Variants in CNST observed in about 807,000 individuals in gnomAD.
CNST encodes consortin, connexin sorting protein.
In CNST, 39 loss-of-function variants were observed where a neutral mutation model predicts 72.4. That is an observed-to-expected ratio of 0.54 (90% confidence interval 0.42 to 0.70). CNST has a LOEUF of 0.70. Ranked by LOEUF, CNST falls within the 30% of genes least tolerant of loss-of-function variation. CNST has a pLI of 0.00. For missense variants in CNST, 871 were observed against 868.5 expected (o/e 1.00, Z -0.04); for synonymous variants, 332 against 320.1 (o/e 1.04, Z -0.40).
chr1:246,615,229 G>T (rs576881088), intron 2 of CNST, among the ~76,000 whole-genome samples: 1 of 152,210 alleles, frequency 6.6e-6, no homozygotes, highest in East Asian at 2.0e-4. Context: ...AGGCTGGAGC[G>T]CAGTGGCGCG....
In CNST at chr1:246,652,983, T is replaced by G. The variant is rs373892743; in HGVS notation, c.1836+4946T>G. On this transcript the variant is annotated intron_variant, in intron 9 of 10. Transcript: ENST00000366513. ...TGCACCACTGCACTCCAGCCTGGGC[T>G]ACAGAGTGAGACTCTGTCTCAAAAA... Among the ~76,000 whole-genome samples the G allele has an allele frequency of 1.1e-3, 171 of 150,398 alleles. 1 individual carries two copies. Among genetic ancestry groups the G allele is most frequent in the South Asian group, 9.3e-3 (44 of 4,740 alleles).
Position 246,578,362 on chromosome 1 carries a change from G to T in CNST, c.-52+11699G>T, listed in dbSNP as rs138330606. 4.3e-3 allele frequency among the ~76,000 whole-genome samples: 661 copies of T among 152,190 alleles called. 10 individuals are homozygous for T. The highest frequency in any genetic ancestry group is 0.015 in the African/African-American group (635 of 41,434). On this transcript the variant is annotated intron_variant, in intron 1 of 10. Transcript: ENST00000366513. The stretch of plus-strand genomic sequence containing the variant: ...AAAATGGGTCTCTGAAAATGTTTCA[G>T]TGTGGATTCTGTATTAACCATTGCC...
intron 2 of CNST, among the ~76,000 whole-genome samples, chr1:246,592,540 A>C (rs934122403): frequency 3.3e-5 from 5 of 152,200 alleles, no homozygotes; most frequent in Non-Finnish European, 7.4e-5. Flanking sequence ...ACATGTTTTC[A>C]CATTAGGTAC....
rs2103127896 is a variant in CNST, at chr1:246,645,130, T to C, written c.938-2009T>C. Among the ~76,000 whole-genome samples, 2 of 152,288 alleles carry C rather than the reference T, an allele frequency of 1.3e-5. 1 individual carries two copies. Among genetic ancestry groups the C allele is most frequent in the Middle Eastern group, 6.8e-3 (2 of 294 alleles). ...GGTGCTATGAACTCTACTGAATAGC[T>C]ACCTCTCAGCAGCCCGAAGTTGAGT... On this transcript the variant is annotated intron_variant, in intron 8 of 10. Coordinates refer to ENST00000366513, the MANE Select transcript of CNST (RefSeq NM_152609.3).
At chr1:246,662,725 CATAAAAATT>C (rs1379998872) in intron 10 of CNST, among the ~76,000 whole-genome samples, 1 of 152,146 alleles carries the variant, frequency 6.6e-6, no homozygotes, top group African/African-American at 2.4e-5. Context: ...TAACCCAGTA[CATAAAAATT>C]ATTTCAAAAT....
chr1:246,644,122 C>T (rs949370558), intron 8 of CNST, among the ~76,000 whole-genome samples: 11 of 152,084 alleles, frequency 7.2e-5, no homozygotes, highest in Non-Finnish European at 1.2e-4. Flanking sequence ...CTCATTTTGC[C>T]GGGCGCGATG....
chr1:246,605,015 A>G (rs1291337702), intron 2 of CNST, among the ~76,000 whole-genome samples: 2 of 152,236 alleles, frequency 1.3e-5, no homozygotes, highest in African/African-American at 2.4e-5. Context: ...TTTGTTAGAG[A>G]AACAAAATAT....
chr1:246,625,655 C>T (rs1416524467), intron 3 of CNST, among the ~76,000 whole-genome samples: 1 of 151,866 alleles, frequency 6.6e-6, no homozygotes, highest in Admixed American at 6.6e-5. Flanking sequence ...CTCTTGACCT[C>T]ACGATCCGCC....
chr1:246,604,647 AAT>A (rs555991803), intron 2 of CNST, among the ~76,000 whole-genome samples: 5 of 150,734 alleles, frequency 3.3e-5, no homozygotes, highest in African/African-American at 4.9e-5. Flanking sequence ...CAGGAGACGG[AAT>A]ATATATATAT....
chr1:246,635,421 A>G (rs965259307), intron 6 of CNST, among the ~76,000 whole-genome samples: 2 of 151,826 alleles, frequency 1.3e-5, no homozygotes, highest in African/African-American at 2.4e-5. Context: ...AAATCCCCCT[A>G]AATTAGAGAA....
At chr1:246,659,992 A>G (rs1666998163) in intron 9 of CNST, among the ~76,000 whole-genome samples, 1 of 152,152 alleles carries the variant, frequency 6.6e-6, no homozygotes, top group African/African-American at 2.4e-5. Flanking sequence ...AAAAAAGGAA[A>G]CCAGGGTTTT....
At chr1:246,635,405 C>T (rs568497462) in intron 6 of CNST, among the ~76,000 whole-genome samples, 2 of 151,894 alleles carry the variant, frequency 1.3e-5, no homozygotes, top group Non-Finnish European at 1.5e-5. Flanking sequence ...TCCCTACCAG[C>T]GTTTTAAATC....
chr1:246,641,663 T>C, intron 6 of CNST, 86 bp from the exon 7 acceptor site: 1 of 764,810 alleles, frequency 1.3e-6, no homozygotes, highest in African/African-American at 1.7e-5. Context: ...CTGTATTTTT[T>C]TATAGCCATT....
intron 1 of CNST, among the ~76,000 whole-genome samples, chr1:246,587,788 G>C (rs1661286658): frequency 6.6e-6 from 1 of 152,138 alleles, no homozygotes; most frequent in Non-Finnish European, 1.5e-5. Flanking sequence ...AAATACATAA[G>C]CGATCTTGAA....
At chr1:246,580,119 A>G (rs1156847569) in intron 1 of CNST, among the ~76,000 whole-genome samples, 1 of 152,200 alleles carries the variant, frequency 6.6e-6, no homozygotes, top group Admixed American at 6.5e-5. Context: ...ATCTTCTTGA[A>G]AGTGGTAATA....
In CNST at chr1:246,619,900, T is replaced by G. The variant is rs1355248029; in HGVS notation, c.380-1529T>G. ...GGGCACACTCTACAGGGAGGACGGC[T>G]TCAGTCGTGCATACACACGATGGGC... On this transcript the variant is annotated intron_variant, in intron 2 of 10. Transcript: ENST00000366513. Among the ~76,000 whole-genome samples, 4 of 136,076 alleles carry G rather than the reference T, an allele frequency of 2.9e-5. No individual in the cohort carries two copies. In the East Asian group the frequency reaches 6.9e-4, roughly 23 times the overall value. 89.3% of individuals were successfully genotyped at this position (136,076 alleles called of 152,430 possible).
intron 1 of CNST, among the ~76,000 whole-genome samples, chr1:246,567,270 A>G (rs1263556700): frequency 6.6e-6 from 1 of 152,230 alleles, no homozygotes; most frequent in Admixed American, 6.5e-5. Context: ...AACTTAGTCA[A>G]ACACATCGTA....
At chr1:246,599,682 C>G (rs986463017) in intron 2 of CNST, among the ~76,000 whole-genome samples, 1 of 152,174 alleles carries the variant, frequency 6.6e-6, no homozygotes, top group South Asian at 2.1e-4. Context: ...CTAAAGCGAG[C>G]AGCATATTTA....
In CNST at chr1:246,667,915, C is replaced by T. The variant is rs1667450814; in HGVS notation, c.*2010C>T. On this transcript the variant is annotated 3_prime_UTR_variant, in exon 11 of 11. Transcript: ENST00000366513. Reference sequence around the variant, plus strand: ...GTATTTGCCCATAGGCAACCAGAGCCACTTCCTCTGAACCCAACATCTCCT... The same window carrying T: ...GTATTTGCCCATAGGCAACCAGAGCTACTTCCTCTGAACCCAACATCTCCT... 6.6e-6 allele frequency: 1 copy of T among 152,198 alleles called. No individual in the cohort carries two copies. The highest frequency in any genetic ancestry group is 6.5e-5 in the Admixed American group (1 of 15,276). 9.4% of individuals were successfully genotyped at this position (152,198 alleles called of 1,614,324 possible).
Sources: gnomAD v4.1 joint callset for allele counts (sites outside exome capture counted in the v4.1 genomes callset) on GRCh38, gnomAD v4.1.1 for gene constraint, MANE v1.5 for transcripts, NCBI Gene and HGNC (gene_info 2026-07-23, HGNC 2026-07-21) for gene names.